Variants in FBXO4 observed in about 807,000 individuals in gnomAD.
FBXO4 encodes the protein F-box protein 4, also known as F-box only protein 4.
A neutral mutation model predicts 43.7 loss-of-function variants in FBXO4; 36 were observed. The ratio of observed to expected loss-of-function variants is 0.82; its 90% CI spans 0.63 to 1.09. The LOEUF is 1.09. Ranked by LOEUF, FBXO4 falls within the 50% of genes least tolerant of loss-of-function variation. The probability of loss-of-function intolerance (pLI) is 0.00; values close to 1 mark genes in which losing one functional copy is unlikely to be tolerated. For synonymous variants in FBXO4, 180 were observed against 165.6 expected (o/e 1.09, Z -0.67); for missense variants, 435 against 474.1 (o/e 0.92, Z 0.77).
the FBXO4 span, among the ~76,000 whole-genome samples, chr5:41,982,645 A>G: frequency 6.6e-6 from 1 of 152,124 alleles, no homozygotes; most frequent in African/African-American, 2.4e-5. Flanking sequence ...TTGATGCCAA[A>G]TAGTCTAATT....
At chr5:42,026,819 C>G in the FBXO4 span, among the ~76,000 whole-genome samples, 1 of 151,932 alleles carries the variant, frequency 6.6e-6, no homozygotes, top group South Asian at 2.1e-4. Flanking sequence ...TGGTTTTTAT[C>G]CTTCATTCCG....
In FBXO4 at chr5:41,941,668, C is replaced by G. The variant is rs1003750918; in HGVS notation, c.*387C>G. On this transcript the variant is annotated 3_prime_UTR_variant, in exon 7 of 7. Transcript: ENST00000281623. ...TGCTAAACTTTCTATTCAGTCTTTT[C>G]AAGGGTTCATAAGTGGTTATCAGAA... 1 of 166,854 alleles carries G rather than the reference C, an allele frequency of 6.0e-6. No homozygotes were observed. Among genetic ancestry groups the G allele is most frequent in the South Asian group, 1.5e-4 (1 of 6,612 alleles). 10.3% of individuals were successfully genotyped at this position (166,854 alleles called of 1,614,324 possible).
chr5:41,999,982 C>T, the FBXO4 span, among the ~76,000 whole-genome samples: 1 of 152,074 alleles, frequency 6.6e-6, no homozygotes, highest in Admixed American at 6.6e-5. Flanking sequence ...CCATTTCCCT[C>T]ATCTCCCCAG....
the FBXO4 span, among the ~76,000 whole-genome samples, chr5:41,958,971 C>T: frequency 6.6e-6 from 1 of 152,140 alleles, no homozygotes. Flanking sequence ...AAGGAAACGC[C>T]ATACTGGTTT....
At chr5:41,973,603 C>A in the FBXO4 span, among the ~76,000 whole-genome samples, 3 of 152,158 alleles carry the variant, frequency 2.0e-5, no homozygotes, top group African/African-American at 4.8e-5. Flanking sequence ...ATTGCTTGAA[C>A]CCATGAGGTT....
the FBXO4 span, among the ~76,000 whole-genome samples, chr5:41,999,496 T>TATGTGTATATATATATATAC: frequency 1.5e-5 from 1 of 67,112 alleles, no homozygotes; most frequent in Non-Finnish European, 3.0e-5. Flanking sequence ...TATATATACA[T>TATGTGTATATATATATATAC]ATATATATGT....
At chr5:42,032,137 TCACCCC>T in the FBXO4 span, among the ~76,000 whole-genome samples, 1 of 149,068 alleles carries the variant, frequency 6.7e-6, no homozygotes, top group Non-Finnish European at 1.5e-5. Context: ...AGTGACACAA[TCACCCC>T]TGTGCCCACT....
At chr5:41,999,555 A>ATATATACG in the FBXO4 span, among the ~76,000 whole-genome samples, 9 of 122,252 alleles carry the variant, frequency 7.4e-5, 1 homozygote, top group African/African-American at 3.2e-4. Context: ...GTATATATAT[A>ATATATACG]TATATATGTA....
the FBXO4 span, among the ~76,000 whole-genome samples, chr5:42,037,293 A>C: frequency 1.3e-5 from 2 of 152,190 alleles, no homozygotes; most frequent in South Asian, 4.1e-4. Flanking sequence ...GGTTATGAGC[A>C]GGTATGTTTC....
At chr5:42,023,265 G>A in the FBXO4 span, among the ~76,000 whole-genome samples, 2,492 of 152,104 alleles carry the variant, frequency 0.016, 127 homozygotes, top group East Asian at 0.11. Flanking sequence ...CATCTCTAAC[G>A]TATTGCTTGG....
At chr5:42,011,491 A>G in the FBXO4 span, among the ~76,000 whole-genome samples, 2 of 152,210 alleles carry the variant, frequency 1.3e-5, no homozygotes, top group African/African-American at 4.8e-5. Context: ...TTTATAAAAT[A>G]CCCAGCTTCA....
At chr5:42,001,071 T>C in the FBXO4 span, among the ~76,000 whole-genome samples, 4 of 152,240 alleles carry the variant, frequency 2.6e-5, no homozygotes, top group South Asian at 2.1e-4. Context: ...CTTTTGTGTT[T>C]CCATATTGGT....
intron 1 of FBXO4, among the ~76,000 whole-genome samples, chr5:41,926,532 C>T (rs2112565557): frequency 6.6e-6 from 1 of 152,314 alleles, no homozygotes; most frequent in Admixed American, 6.5e-5. Context: ...GAGATCTTGC[C>T]ACTGCACTCC....
chr5:41,938,456 C>T (rs569264023), intron 5 of FBXO4, among the ~76,000 whole-genome samples: 11 of 152,270 alleles, frequency 7.2e-5, no homozygotes, highest in South Asian at 2.1e-4. Context: ...AAAGAATAGA[C>T]GGACAAGTCA....
chr5:42,036,497 G>A, the FBXO4 span, among the ~76,000 whole-genome samples: 1 of 152,112 alleles, frequency 6.6e-6, no homozygotes, highest in South Asian at 2.1e-4. Flanking sequence ...GTTAGCTCTT[G>A]TCTTAGATAA....
rs772581599 is a variant in FBXO4, at chr5:41,927,170, A to G, written c.347A>G (p.Lys116Arg). The G allele has an allele frequency of 1.2e-6, 2 of 1,613,946 alleles. No homozygotes were observed. The highest frequency in any genetic ancestry group is 1.7e-5 in the Admixed American group (1 of 60,010). The change falls in exon 2 of 7, where the codon AAG (lysine) becomes AGG (arginine). Residue 116 changes from lysine to arginine, a missense_variant. Lys to Arg is a conservative substitution (Grantham distance 26). Coordinates refer to ENST00000281623, the MANE Select transcript of FBXO4 (RefSeq NM_012176.3). Reference protein sequence around the residue: ...DLPSWSSVDWKSLPDLEILKK... With the variant: ...DLPSWSSVDWRSLPDLEILKK... ...CCTTCTTGGTCTTCTGTTGACTGGA[A>G]GTCTCTTCCAGATCTAGAAATCTTA...
At chr5:41,964,058 A>G in the FBXO4 span, 1 of 152,236 alleles carries the variant, frequency 6.6e-6, no homozygotes, top group Non-Finnish European at 1.5e-5. Context: ...TGGCAGCATC[A>G]TTGAAATAAG....
chr5:41,976,714 G>A, the FBXO4 span, among the ~76,000 whole-genome samples: 1 of 152,188 alleles, frequency 6.6e-6, no homozygotes, highest in African/African-American at 2.4e-5. Context: ...TGTACCTGCA[G>A]GTTTTCCAGG....
At chr5:41,978,317 G>A in the FBXO4 span, among the ~76,000 whole-genome samples, 37 of 152,120 alleles carry the variant, frequency 2.4e-4, no homozygotes, top group Non-Finnish European at 5.1e-4. Context: ...CAACGTTGGA[G>A]ATTATATTTC....
Sources: gnomAD v4.1 joint callset for allele counts (sites outside exome capture counted in the v4.1 genomes callset) on GRCh38, gnomAD v4.1.1 for gene constraint, MANE v1.5 for transcripts, NCBI Gene and HGNC (gene_info 2026-07-23, HGNC 2026-07-21) for gene names.